The following ERMP1 variants were observed in gnomAD, a reference collection of about 807,000 sequenced individuals.
ERMP1 encodes the protein endoplasmic reticulum metallopeptidase 1.
A neutral mutation model predicts 92.0 loss-of-function variants in ERMP1; 86 were observed. That is an observed-to-expected ratio of 0.93 (90% CI 0.79 to 1.12). ERMP1 has a LOEUF of 1.12. Ranked by LOEUF, ERMP1 falls within the 50% of genes most tolerant of loss-of-function variation. ERMP1 has a pLI of 0.00. For synonymous variants in ERMP1, 530 were observed against 412.8 expected, an observed-to-expected ratio of 1.28 and a Z score of -3.44; for missense variants, 1,342 against 1,116.3, an observed-to-expected ratio of 1.20 and a Z score of -2.88.
At position 5,857,466 on chromosome 9, in the gene ERMP1, T is replaced by C. The variant is rs1830392425; in HGVS notation, n.3199+2002A>G. Among the ~76,000 whole-genome samples, 7 of 152,150 alleles carry C rather than the reference T, an allele frequency of 4.6e-5. No homozygotes were observed. The South Asian group carries it at 1.4e-3, about 31-fold the overall frequency. ...AATGACCACAAAAGTGCCATGAAAA[T>C]TGATTTGGGGATTACAAATAGATTT... On this transcript the variant is annotated intron_variant and non_coding_transcript_variant, in intron 6 of 6. Transcript: ENST00000690753.
intron 4 of ERMP1, among the ~76,000 whole-genome samples, chr9:5,815,945 TTTGATA>T (rs1829287945): frequency 6.6e-6 from 1 of 152,068 alleles, no homozygotes; most frequent in Admixed American, 6.6e-5. Context: ...AATATTACTA[TTTGATA>T]TTAAGAAATT....
At position 5,807,768 on chromosome 9, in the gene ERMP1, C is replaced by A. The variant is rs201556738; in HGVS notation, c.1549-1983G>T. On this transcript the variant is annotated intron_variant, in intron 8 of 14. Transcript: ENST00000339450. Reference sequence around the variant, plus strand: ...CTCAACAACAACAACAAAAAAAAAACGGAAACAATTCAAATGTTGCCATCT... The same window carrying A: ...CTCAACAACAACAACAAAAAAAAAAAGGAAACAATTCAAATGTTGCCATCT... Among the ~76,000 whole-genome samples the A allele has an allele frequency of 4.4e-3, 669 of 151,706 alleles. 2 individuals carry two copies. The highest frequency in any genetic ancestry group is 6.8e-3 in the Non-Finnish European group (464 of 67,804).
At chr9:5,820,358 T>C (rs1210415205) in intron 4 of ERMP1, among the ~76,000 whole-genome samples, 1 of 152,176 alleles carries the variant, frequency 6.6e-6, no homozygotes, top group Admixed American at 6.5e-5. Context: ...TGCCAAGAAA[T>C]ATATATACAC....
chr9:5,787,213 CAG>C lies in ERMP1; in HGVS notation c.2644_2645del (p.Leu882GlufsTer39). 1 of 1,614,100 alleles carries C rather than the reference CAG, an allele frequency of 6.2e-7. No individual in the cohort carries two copies. Among genetic ancestry groups the C allele is most frequent in the Non-Finnish European group, 8.5e-7 (1 of 1,179,990 alleles). ...ATGTCCAATCTGGGAACTTTTCCTTCAGAGCATCCAGTTGAGGGGATCTCTTG... is the reference window on the plus strand; with the variant it reads ...ATGTCCAATCTGGGAACTTTTCCTTCAGCATCCAGTTGAGGGGATCTCTTG... ...EDKRSPQLDALKEKFPDWTFP... is the reference protein window; with the variant it reads ...EDKRSPQLDAXKEKFPDWTFP... On this transcript the variant is annotated frameshift_variant, in exon 15 of 15. Transcript: ENST00000339450. LOFTEE classifies it high-confidence loss of function.
chr9:5,828,056 C>T (rs1829793912), intron 2 of ERMP1, among the ~76,000 whole-genome samples: 1 of 152,208 alleles, frequency 6.6e-6, no homozygotes, highest in South Asian at 2.1e-4. Flanking sequence ...GTAATCCCAG[C>T]ACTTTGGGAG....
rs1830015118 is a variant in ERMP1 at position 5,832,890 on chromosome 9, G to A, written c.138C>T (p.Gly46=). Residue 46 remains glycine (G), a synonymous_variant, in exon 1 of 15, where the codon GGC becomes GGT. Transcript: ENST00000339450. ...QEPLVDGCSG[G]GRTRKRSPGG... The stretch of plus-strand genomic sequence containing the variant: ...CGGGGCTCCTCTTCCGCGTCCTCCC[G>A]CCGCCGCTGCACCCATCCACCAGAG... The A allele has an allele frequency of 2.6e-6, 4 of 1,540,452 alleles. No homozygotes were observed. Among genetic ancestry groups the A allele is most frequent in the Non-Finnish European group, 2.6e-6 (3 of 1,153,922 alleles).
At chr9:5,795,471 G>A (rs1431924624) in intron 13 of ERMP1, among the ~76,000 whole-genome samples, 1 of 152,176 alleles carries the variant, frequency 6.6e-6, no homozygotes, top group African/African-American at 2.4e-5. Context: ...TGATAAGATT[G>A]TCTATTCATA....
intron 6 of ERMP1, among the ~76,000 whole-genome samples, chr9:5,854,057 A>C (rs1830342371): frequency 6.6e-6 from 1 of 152,046 alleles, no homozygotes; most frequent in Admixed American, 6.6e-5. Flanking sequence ...TATCATTTTA[A>C]CAAAGGGGGA....
intron 6 of ERMP1, among the ~76,000 whole-genome samples, chr9:5,843,224 C>G (rs2129738397): frequency 6.6e-6 from 1 of 152,322 alleles, no homozygotes; most frequent in Middle Eastern, 3.4e-3. Context: ...CCACCTAAAT[C>G]AGTAACAGTA....
rs899565170 is a variant in ERMP1, at chr9:5,787,136, C to T, written c.*8G>A. The T allele has an allele frequency of 9.9e-6, 16 of 1,610,230 alleles. No individual in the cohort carries two copies. The highest frequency in any genetic ancestry group is 1.3e-5 in the African/African-American group (1 of 74,988). On this transcript the variant is annotated 3_prime_UTR_variant, in exon 15 of 15. Coordinates refer to ENST00000339450, the MANE Select transcript of ERMP1 (RefSeq NM_024896.3). ...CACTGGGCATGTACTTAGAGCTCAT[C>T]CACAAGATTAAAATACAAAGAGATC...
rs561955636 is a variant in ERMP1, at chr9:5,813,130, G to A, written c.875-95C>T. On this transcript the variant is annotated intron_variant, in intron 4 of 14. Coordinates refer to ENST00000339450, the MANE Select transcript of ERMP1 (RefSeq NM_024896.3). ...ACACATAGAAAACAGTAAAAGTGGT[G>A]GTTTTGGGAGACGGGTCCAATATGT... 138 of 1,338,902 alleles carry A rather than the reference G, an allele frequency of 1.0e-4. No individual in the cohort carries two copies. In the South Asian group the frequency reaches 1.7e-3, roughly 17 times the overall value. The allele number at this position is 1,338,902 out of a possible 1,614,324, so 82.9% of individuals were successfully genotyped here.
intron 6 of ERMP1, among the ~76,000 whole-genome samples, chr9:5,848,317 G>C (rs984773095): frequency 2.6e-5 from 4 of 152,166 alleles, no homozygotes; most frequent in Non-Finnish European, 5.9e-5. Flanking sequence ...GAGGAGGTCG[G>C]AGTGGCCACG....
At position 5,812,931 on chromosome 9, in the gene ERMP1, C is replaced by G; in HGVS notation, c.979G>C (p.Asp327His). Reference protein sequence around the residue: ...EVFQSGIIPSDTDFRIYRDFG... With the variant: ...EVFQSGIIPSHTDFRIYRDFG... ...TCCCTGTAGATACGAAAGTCAGTAT[C>G]TGAAGGAATGATTCCACTCTGAAAA... is the stretch of plus-strand genomic sequence containing the variant. The change falls in exon 5 of 15, where the codon GAT (aspartate) becomes CAT (histidine). Residue 327 changes from aspartate to histidine, a missense_variant. Physicochemically the swap from Asp to His is moderately conservative, Grantham distance 81. Coordinates refer to ENST00000339450, the MANE Select transcript of ERMP1 (RefSeq NM_024896.3). 6.2e-7 allele frequency: 1 copy of G among 1,614,044 alleles called. No homozygotes were observed. The highest frequency in any genetic ancestry group is 1.1e-5 in the South Asian group (1 of 91,082).
At chr9:5,789,366 T>C (rs1242792071) in intron 13 of ERMP1, among the ~76,000 whole-genome samples, 1 of 152,234 alleles carries the variant, frequency 6.6e-6, no homozygotes, top group Non-Finnish European at 1.5e-5. Context: ...CAACAATTTT[T>C]AAAAACTCAA....
intron 4 of ERMP1, among the ~76,000 whole-genome samples, chr9:5,821,364 C>T (rs887813531): frequency 6.6e-6 from 1 of 152,176 alleles, no homozygotes; most frequent in Admixed American, 6.5e-5. Flanking sequence ...GCTCACCATC[C>T]AGCTAGGAGC....
chr9:5,857,897 C>T (rs1563784765), intron 6 of ERMP1, among the ~76,000 whole-genome samples: 1 of 152,170 alleles, frequency 6.6e-6, no homozygotes, highest in African/African-American at 2.4e-5. Flanking sequence ...ATGTCGACCC[C>T]ATTCTCTAAG....
chr9:5,814,761 C>G (rs531090485), intron 4 of ERMP1, among the ~76,000 whole-genome samples: 5 of 151,938 alleles, frequency 3.3e-5, no homozygotes, highest in African/African-American at 1.2e-4. Context: ...AAAAATGACC[C>G]AAAAAAGCAG....
At chr9:5,789,953 C>G (rs1002430755) in intron 13 of ERMP1, among the ~76,000 whole-genome samples, 14 of 151,736 alleles carry the variant, frequency 9.2e-5, no homozygotes, top group Non-Finnish European at 1.6e-4. Context: ...CAAAGTACCC[C>G]CAAAGTGAGC....
At position 5,825,146 on chromosome 9, in the gene ERMP1, G is replaced by C. The variant is rs527569854; in HGVS notation, c.714C>G (p.Ala238=). The change falls in exon 3 of 15, where the codon GCC becomes GCG. Residue 238 remains alanine (A), a synonymous_variant. Coordinates refer to ENST00000339450, the MANE Select transcript of ERMP1 (RefSeq NM_024896.3). The part of the protein sequence containing the change: ...VLRVLSTSSE[A]LHHAVIFLFN... ...AGAGAAATATGACAGCATGATGCAA[G>C]GCTTCTGAAGATGTTGACAAGACGC... 9 of 1,613,938 alleles carry C rather than the reference G, an allele frequency of 5.6e-6. No individual in the cohort carries two copies. In the African/African-American group the frequency reaches 6.7e-5, roughly 12 times the overall value.
Sources: gnomAD v4.1 joint callset for allele counts (sites outside exome capture counted in the v4.1 genomes callset) on GRCh38, gnomAD v4.1.1 for gene constraint, MANE v1.5 for transcripts, NCBI Gene and HGNC (gene_info 2026-07-23, HGNC 2026-07-21) for gene names.